Variants in RAD51B observed in about 807,000 individuals in gnomAD.
The protein encoded by RAD51B is DNA repair protein RAD51 homolog 2.
A neutral mutation model predicts 42.2 loss-of-function variants in RAD51B; 38 were observed. That is an observed-to-expected ratio of 0.90 (90% CI 0.70 to 1.18). RAD51B has a LOEUF of 1.18. Among genes scored for constraint, RAD51B ranks in the 50% most tolerant of loss-of-function variants. The pLI is 0.00. For synonymous variants in RAD51B, 154 were observed against 145.2 expected, an observed-to-expected ratio of 1.06 and a Z score of -0.43; for missense variants, 373 against 400.7, an observed-to-expected ratio of 0.93 and a Z score of 0.59.
chr14:68,131,782 T>G (rs2077898247), intron 7 of RAD51B, among the ~76,000 whole-genome samples: 1 of 152,218 alleles, frequency 6.6e-6, no homozygotes, highest in African/African-American at 2.4e-5. Flanking sequence ...CTGCCATGTG[T>G]TCACAAAGAT....
intron 11 of RAD51B, among the ~76,000 whole-genome samples, chr14:68,660,605 A>G (rs1003585186): frequency 3.3e-5 from 5 of 152,184 alleles, no homozygotes; most frequent in Non-Finnish European, 2.9e-5. Context: ...GCGGCAACAG[A>G]CACTGCTCCT....
intron 7 of RAD51B, among the ~76,000 whole-genome samples, chr14:68,228,809 C>CA (rs1166573886): frequency 6.6e-6 from 1 of 152,218 alleles, no homozygotes; most frequent in Non-Finnish European, 1.5e-5. Flanking sequence ...GACTGGCCCT[C>CA]ACATGCAATT....
At chr14:68,492,382 AT>A (rs1162440562) in intron 10 of RAD51B, among the ~76,000 whole-genome samples, 1 of 152,056 alleles carries the variant, frequency 6.6e-6, no homozygotes, top group Non-Finnish European at 1.5e-5. Flanking sequence ...TGATTTATTC[AT>A]TTTTTTCTTA....
chr14:68,524,526 G>A (rs1296406187), intron 10 of RAD51B, among the ~76,000 whole-genome samples: 1 of 152,132 alleles, frequency 6.6e-6, no homozygotes, highest in Non-Finnish European at 1.5e-5. Context: ...ACACCCACAG[G>A]CTCGAGCTGG....
intron 10 of RAD51B, chr14:68,470,549 T>A (rs150809928): frequency 2.0e-6 from 1 of 499,920 alleles, no homozygotes; most frequent in Non-Finnish European, 3.9e-6. Context: ...TTAACCTTGA[T>A]TCAAGACTTT....
At chr14:68,462,065 A>G (rs1020708213) in intron 9 of RAD51B, among the ~76,000 whole-genome samples, 2 of 152,230 alleles carry the variant, frequency 1.3e-5, no homozygotes, top group African/African-American at 4.8e-5. Flanking sequence ...AAAATGCCCC[A>G]GATCTGCTGA....
chr14:67,852,248 G>A (rs1212880165), intron 4 of RAD51B, among the ~76,000 whole-genome samples: 2 of 152,222 alleles, frequency 1.3e-5, no homozygotes, highest in African/African-American at 4.8e-5. Flanking sequence ...GAACAGCAGA[G>A]GCAGGGCCTG....
At chr14:68,182,730 T>G (rs970760431) in intron 7 of RAD51B, among the ~76,000 whole-genome samples, 6 of 152,218 alleles carry the variant, frequency 3.9e-5, no homozygotes, top group African/African-American at 1.4e-4. Flanking sequence ...AACCACTTTT[T>G]TAGGTTTCAC....
Position 68,212,371 on chromosome 14 carries a change from T to C in RAD51B, c.757-79513T>C, listed in dbSNP as rs2079728685. The stretch of plus-strand genomic sequence containing the variant: ...CAGAGGGCTGTTTTGAGAATTAAAT[T>C]AGACAATCCATGTAAAATACTTGAC... On this transcript the variant is annotated intron_variant, in intron 7 of 10. Coordinates refer to ENST00000471583, the MANE Select transcript of RAD51B (RefSeq NM_133510.4). Among the ~76,000 whole-genome samples, 6 of 152,176 alleles carry C rather than the reference T, an allele frequency of 3.9e-5. No individual in the cohort carries two copies. In the South Asian group the frequency reaches 1.2e-3, roughly 32 times the overall value.
At chr14:68,619,997 C>T (rs536991476) in intron 10 of RAD51B, among the ~76,000 whole-genome samples, 5 of 152,270 alleles carry the variant, frequency 3.3e-5, no homozygotes, top group African/African-American at 1.2e-4. Context: ...CATGTTGTGA[C>T]TCAGTACCAA....
At chr14:68,675,271 G>A (rs1893280456) in intron 11 of RAD51B, among the ~76,000 whole-genome samples, 1 of 152,160 alleles carries the variant, frequency 6.6e-6, no homozygotes, top group Non-Finnish European at 1.5e-5. Flanking sequence ...TTAGGGCTCT[G>A]CTTTTCTGAG....
intron 8 of RAD51B, among the ~76,000 whole-genome samples, chr14:68,334,665 AC>A (rs1221375660): frequency 6.6e-6 from 1 of 152,046 alleles, no homozygotes; most frequent in Non-Finnish European, 1.5e-5. Context: ...CTGTTGATGG[AC>A]CTTTAAGTTG....
chr14:68,625,652 A>C (rs1336058317), intron 10 of RAD51B, among the ~76,000 whole-genome samples: 2 of 152,138 alleles, frequency 1.3e-5, no homozygotes, highest in African/African-American at 4.8e-5. Flanking sequence ...GGTTCTACTC[A>C]AGCTGACCTA....
chr14:68,594,391 T>C (rs943619887), intron 10 of RAD51B: 1 of 1,204,518 alleles, frequency 8.3e-7, no homozygotes, highest in Non-Finnish European at 1.1e-6. Flanking sequence ...CTCCATCAGG[T>C]CTTCCTCAAC....
At chr14:68,613,144 G>A (rs1891735682), downstream of RAD51B, among the ~76,000 whole-genome samples, 1 of 152,178 alleles carries the variant, frequency 6.6e-6, no homozygotes. Context: ...GGCCAGGCGT[G>A]GTGGCTCACG....
At chr14:68,640,371 G>C (rs542844799) in intron 10 of RAD51B, among the ~76,000 whole-genome samples, 1 of 152,272 alleles carries the variant, frequency 6.6e-6, no homozygotes, top group African/African-American at 2.4e-5. Context: ...CTATTAAATG[G>C]GCAGACTGGT....
At chr14:68,511,172 A>G (rs74640663) in intron 10 of RAD51B, among the ~76,000 whole-genome samples, 5,319 of 152,318 alleles carry the variant, frequency 0.035, 290 homozygotes, top group African/African-American at 0.12. Context: ...TAGGAGTGGA[A>G]GAAATGGTCA....
intron 10 of RAD51B, among the ~76,000 whole-genome samples, chr14:68,626,249 G>A (rs1368512377): frequency 1.3e-5 from 2 of 152,228 alleles, no homozygotes; most frequent in Non-Finnish European, 2.9e-5. Flanking sequence ...AGAAAGCAGG[G>A]ATGGTGTTGG....
At chr14:67,991,808 CTT>C (rs2075301013) in intron 7 of RAD51B, among the ~76,000 whole-genome samples, 1 of 151,982 alleles carries the variant, frequency 6.6e-6, no homozygotes, top group African/African-American at 2.4e-5. Flanking sequence ...GCAGATATCT[CTT>C]TGATATAGAC....
Sources: allele counts gnomAD v4.1 joint callset (sites outside exome capture counted in the v4.1 genomes callset), GRCh38; gene constraint gnomAD v4.1.1; transcripts MANE v1.5; gene names NCBI Gene and HGNC (gene_info 2026-07-23, HGNC 2026-07-21).